FGR: variants seen among roughly 807,000 people sequenced by gnomAD.
The protein encoded by FGR is FGR proto-oncogene, Src family tyrosine kinase.
Under a neutral mutation model 63.2 loss-of-function variants are expected in FGR, and 26 were observed. The observed-to-expected ratio is 0.41, with a 90% CI of 0.30 to 0.57. The LOEUF (loss-of-function observed/expected upper bound fraction) is 0.57, where lower values mean the gene tolerates loss of function less well. FGR is among the 20% of genes least tolerant of loss of function. The pLI, the probability that FGR is intolerant of heterozygous loss-of-function variation, is 0.27. For missense variants in FGR, 511 were observed against 690.8 expected (o/e 0.74, Z 2.92); for synonymous variants, 286 against 277.7 (o/e 1.03, Z -0.30).
intron 4 of FGR, 99 bp from the exon 5 acceptor site, chr1:27,621,756 C>A: frequency 2.4e-6 from 2 of 842,206 alleles, no homozygotes; most frequent in Non-Finnish European, 2.0e-6. Context: ...TGAATCCTGC[C>A]AAACCCTCAT....
intron 1 of FGR, among the ~76,000 whole-genome samples, 194 bp downstream of exon 1, chr1:27,634,871 T>C (rs530790219): frequency 6.6e-6 from 1 of 152,320 alleles, no homozygotes; most frequent in Non-Finnish European, 1.5e-5. Flanking sequence ...TTTATCAGCC[T>C]TGCTTTTCAG....
rs2089780831 is a variant in FGR at position 27,615,123 on chromosome 1, T to G, written c.1019-197A>C. Among the ~76,000 whole-genome samples, 1 of 151,756 alleles carries G rather than the reference T, an allele frequency of 6.6e-6. No individual in the cohort carries two copies. Among genetic ancestry groups the G allele is most frequent in the Admixed American group, 6.6e-5 (1 of 15,242 alleles). ...GACTCTGCCCACATCTCGTTTCTTC[T>G]GTTCCTTGGTGTTCCGGACACGACC... On this transcript the variant is annotated intron_variant, in intron 9 of 12. Coordinates refer to ENST00000374005, the MANE Select transcript of FGR (RefSeq NM_005248.3). This position sits in a 1 kb window ranked among gnomAD's most constrained non-coding sequence, Gnocchi z 7.6.
In FGR at chr1:27,623,784, A is replaced by T. The variant is rs2089972269; in HGVS notation, c.133T>A (p.Ser45Thr). ...GPDPTKARPA[S>T]SFAHIPNYSN... ...TAGTTGGGGATGTGGGCAAATGAGG[A>T]TGCAGGCCGGGCCTTAGTGGGGTCA... Residue 45 changes from serine (S) to threonine (T), a missense_variant, in exon 3 of 13, where the codon TCC (serine) becomes ACC (threonine). Transcript: ENST00000374005. 1 of 1,614,106 alleles carries T rather than the reference A, an allele frequency of 6.2e-7. No individual in the cohort carries two copies. Among genetic ancestry groups the T allele is most frequent in the Admixed American group, 1.7e-5 (1 of 60,004 alleles).
At position 27,612,119 on chromosome 1, in the gene FGR, C is replaced by T. The variant is rs547937643; in HGVS notation, c.*795G>A. ...TTCAGCTGCTTGTCTTCTAAACTCA[C>T]GTGCAGATGAGCAGTGGGACTCTGG... On this transcript the variant is annotated 3_prime_UTR_variant, in exon 13 of 13. Coordinates refer to ENST00000374005, the MANE Select transcript of FGR (RefSeq NM_005248.3). The T allele has an allele frequency of 6.6e-6, 1 of 152,220 alleles. No individual in the cohort carries two copies. The highest frequency in any genetic ancestry group is 1.5e-5 in the Non-Finnish European group (1 of 68,044). 9.4% of individuals were successfully genotyped at this position (152,220 alleles called of 1,614,324 possible).
Position 27,612,767 on chromosome 1 carries a change from T to C in FGR, c.*147A>G. On this transcript the variant is annotated 3_prime_UTR_variant, in exon 13 of 13. Coordinates refer to ENST00000374005, the MANE Select transcript of FGR (RefSeq NM_005248.3). ...TGCCCCATCTGTAAAACAAGTAGGTTGCCCTAGGTGGTGTCAGAGCAGCCA... is the reference window on the plus strand; with the variant it reads ...TGCCCCATCTGTAAAACAAGTAGGTCGCCCTAGGTGGTGTCAGAGCAGCCA... 2 of 674,944 alleles carry C rather than the reference T, an allele frequency of 3.0e-6. No homozygotes were observed. Among genetic ancestry groups the C allele is most frequent in the South Asian group, 3.8e-5 (2 of 52,272 alleles). 41.8% of individuals were successfully genotyped at this position (674,944 alleles called of 1,614,324 possible). A position where few individuals can be genotyped will look rare whatever the true frequency, so the allele number is the denominator to read the frequency against.
intron 4 of FGR, among the ~76,000 whole-genome samples, chr1:27,622,387 T>G (rs1453063239): frequency 1.3e-5 from 2 of 151,802 alleles, no homozygotes; most frequent in Non-Finnish European, 2.9e-5. Context: ...ATGAACCACC[T>G]AAGGTGAACC....
At chr1:27,621,762 C>A in intron 4 of FGR, 105 bp from the exon 5 acceptor site, 4 of 804,882 alleles carry the variant, frequency 5.0e-6, no homozygotes, top group East Asian at 5.1e-5. Context: ...CTGCCAAACC[C>A]TCATCTTGGA....
rs1330700704 is a variant in FGR at position 27,617,016 on chromosome 1, G to A, written c.533-10C>T. 6.2e-7 allele frequency: 1 copy of A among 1,613,930 alleles called. No homozygotes were observed. The highest frequency in any genetic ancestry group is 8.5e-7 in the Non-Finnish European group (1 of 1,180,012). On this transcript the variant is annotated splice_polypyrimidine_tract_variant and intron_variant, in intron 6 of 12. Transcript: ENST00000374005. The surrounding 1 kb of genome is among the most constrained non-coding windows in gnomAD (Gnocchi z 4.5). ...GACAGGGAGTAGGCACCTGTGGAGA[G>A]GATCACTTTTGATCTGCTGTTCTCC... is the stretch of plus-strand genomic sequence containing the variant.
intron 1 of FGR, chr1:27,626,511 G>A (rs141303353): frequency 7.7e-4 from 202 of 263,546 alleles, no homozygotes; most frequent in African/African-American, 3.9e-3. Context: ...CTGGCTGATG[G>A]TTCCGTCACA....
intron 5 of FGR, among the ~76,000 whole-genome samples, chr1:27,621,210 A>G (rs1445359803): frequency 6.6e-6 from 1 of 152,062 alleles, no homozygotes; most frequent in African/African-American, 2.4e-5. Context: ...CAGCCCAACT[A>G]TCTGGGTTCA....
At chr1:27,630,815 A>G (rs997053674) in intron 1 of FGR, among the ~76,000 whole-genome samples, 1 of 151,934 alleles carries the variant, frequency 6.6e-6, no homozygotes. Flanking sequence ...CAGGGTCAAA[A>G]TCAGGTTACA....
chr1:27,614,109 G>A (rs189401531), intron 11 of FGR, among the ~76,000 whole-genome samples: 6 of 152,314 alleles, frequency 3.9e-5, no homozygotes, highest in South Asian at 2.1e-4. Flanking sequence ...ACTGTTACAC[G>A]CCATTGTCTT....
At chr1:27,627,256 C>T (rs1247173431) in intron 1 of FGR, among the ~76,000 whole-genome samples, 3 of 150,982 alleles carry the variant, frequency 2.0e-5, no homozygotes. Flanking sequence ...AAATGGCGCA[C>T]CATGCTGATA....
chr1:27,618,893 C>T (rs917921795), intron 5 of FGR, among the ~76,000 whole-genome samples: 11 of 152,220 alleles, frequency 7.2e-5, no homozygotes, highest in African/African-American at 2.4e-4. Flanking sequence ...CCTCACCTCC[C>T]ACTCCCTCCC....
rs918368827 is a variant in FGR, at chr1:27,617,103, T to C, written c.532+90A>G. 22 of 1,599,610 alleles carry C rather than the reference T, an allele frequency of 1.4e-5. No homozygotes were observed. Among genetic ancestry groups the C allele is most frequent in the Middle Eastern group, 3.9e-4 (2 of 5,146 alleles). On this transcript the variant is annotated intron_variant, in intron 6 of 12. Coordinates refer to ENST00000374005, the MANE Select transcript of FGR (RefSeq NM_005248.3). This position sits in a 1 kb window ranked among gnomAD's most constrained non-coding sequence, Gnocchi z 4.5. ...CAGCATCCCTAGGACCTGGTCCCAG[T>C]CTTGGCCTTAACCCAAGCAGCCTAC... is the stretch of plus-strand genomic sequence containing the variant.
At chr1:27,625,305 C>G (rs768504349) in intron 1 of FGR, among the ~76,000 whole-genome samples, 154 bp from the exon 2 acceptor site, 1 of 152,172 alleles carries the variant, frequency 6.6e-6, no homozygotes, top group African/African-American at 2.4e-5. Context: ...ACCCCTGGCA[C>G]ACTTACACAA....
In FGR at chr1:27,616,826, TG is replaced by T; in HGVS notation, c.682+30del. The T allele has an allele frequency of 6.2e-7, 1 of 1,611,442 alleles. No individual in the cohort carries two copies. Among genetic ancestry groups the T allele is most frequent in the Non-Finnish European group, 8.5e-7 (1 of 1,177,674 alleles). ...CCATCTGGACAATGCTTCAGTTGGT[TG>T]GTTCAGGGATCTGAGGCCCCTGCCC... is the stretch of plus-strand genomic sequence containing the variant. On this transcript the variant is annotated intron_variant, in intron 7 of 12. Coordinates refer to ENST00000374005, the MANE Select transcript of FGR (RefSeq NM_005248.3). The surrounding 1 kb of genome is among the most constrained non-coding windows in gnomAD (Gnocchi z 4.3).
In FGR at chr1:27,617,394, A is replaced by G. The variant is rs2089835246; in HGVS notation, c.429-98T>C. ...CACAAGCCAAGACTCCATTTTCCCC[A>G]TGTGTAAAATGGGGCTGGTACACCT... On this transcript the variant is annotated intron_variant, in intron 5 of 12. Coordinates refer to ENST00000374005, the MANE Select transcript of FGR (RefSeq NM_005248.3). The surrounding 1 kb of genome is among the most constrained non-coding windows in gnomAD (Gnocchi z 4.5). The G allele has an allele frequency of 3.7e-6, 3 of 811,048 alleles. No homozygotes were observed. The highest frequency in any genetic ancestry group is 6.3e-6 in the Non-Finnish European group (3 of 477,826). 50.2% of individuals were successfully genotyped at this position (811,048 alleles called of 1,614,324 possible). A position where few individuals can be genotyped will look rare whatever the true frequency, so the allele number is the denominator to read the frequency against.
rs1229408976 is a variant in FGR, at chr1:27,613,182, C to A, written c.1381+37G>T. 3.7e-6 allele frequency: 6 copies of A among 1,609,974 alleles called. No individual in the cohort carries two copies. The South Asian group carries it at 5.5e-5, about 15-fold the overall frequency. On this transcript the variant is annotated intron_variant, in intron 12 of 12. Transcript: ENST00000374005. ...CCAGGTGGAAGCCCTTCCCCGTGAC[C>A]ATCCCCCACCCCAGCCCTACCCCTG...
Sources: allele counts gnomAD v4.1 joint callset (sites outside exome capture counted in the v4.1 genomes callset), GRCh38; gene constraint gnomAD v4.1.1; non-coding constraint Gnocchi (gnomAD v3.1); transcripts MANE v1.5; gene names NCBI Gene and HGNC (gene_info 2026-07-23, HGNC 2026-07-21).